The following LCLAT1 variants were observed in gnomAD, a reference collection of about 807,000 sequenced individuals.
LCLAT1 encodes the protein 1-AGP acyltransferase 8.
LCLAT1 carries 11 observed loss-of-function variants against 30.7 expected under a neutral mutation model. That is an observed-to-expected ratio of 0.36 (90% confidence interval 0.23 to 0.59). The LOEUF is 0.59. LCLAT1 is among the 20% of genes least tolerant of loss of function. The pLI, the probability that LCLAT1 is intolerant of heterozygous loss-of-function variation, is 0.77. For missense variants in LCLAT1, 402 were observed against 458.6 expected (o/e 0.88, Z 1.13); for synonymous variants, 155 against 151.3 (o/e 1.02, Z -0.18).
chr2:30,520,896 TGTGTGAAC>T (rs1353175099), intron 1 of LCLAT1, among the ~76,000 whole-genome samples: 6 of 152,192 alleles, frequency 3.9e-5, no homozygotes, highest in Non-Finnish European at 8.8e-5. Context: ...CTGTCAGAGA[TGTGTGAAC>T]TGGAACAAAT....
At chr2:30,586,216 T>A (rs1030230896) in intron 5 of LCLAT1, among the ~76,000 whole-genome samples, 1 of 123,194 alleles carries the variant, frequency 8.1e-6, no homozygotes, top group African/African-American at 3.3e-5. Flanking sequence ...CACTCCAGCC[T>A]GGGTGACAGA....
chr2:30,567,397 T>C (rs533305739), intron 4 of LCLAT1, among the ~76,000 whole-genome samples: 1 of 152,320 alleles, frequency 6.6e-6, no homozygotes, highest in South Asian at 2.1e-4. Context: ...TCTTAGAATA[T>C]AGCCTCGAAG....
intron 5 of LCLAT1, among the ~76,000 whole-genome samples, chr2:30,629,220 A>G (rs1668651516): frequency 2.0e-5 from 3 of 152,176 alleles, no homozygotes; most frequent in African/African-American, 7.2e-5. Flanking sequence ...TTATATTACC[A>G]CAGTGTTTTT....
chr2:30,523,720 C>T (rs1685581386), intron 1 of LCLAT1, among the ~76,000 whole-genome samples: 1 of 152,070 alleles, frequency 6.6e-6, no homozygotes, highest in Non-Finnish European at 1.5e-5. Context: ...ATACAAAAAT[C>T]AGATGAGTGT....
chr2:30,552,358 C>A (rs1273997045), intron 3 of LCLAT1: 3 of 302,552 alleles, frequency 9.9e-6, no homozygotes, highest in Non-Finnish European at 2.0e-5. Flanking sequence ...ATTTGTAGTA[C>A]AAGTGGTTTC....
chr2:30,500,097 A>G (rs1422763917), intron 1 of LCLAT1, among the ~76,000 whole-genome samples: 1 of 152,218 alleles, frequency 6.6e-6, no homozygotes, highest in Non-Finnish European at 1.5e-5. Context: ...TATTAACATT[A>G]GTAACATTTA....
At chr2:30,573,775 T>A (rs947389634) in intron 5 of LCLAT1, among the ~76,000 whole-genome samples, 5 of 152,188 alleles carry the variant, frequency 3.3e-5, no homozygotes, top group African/African-American at 1.2e-4. Context: ...GTTGTTTATC[T>A]TCTTCACTGT....
chr2:30,556,404 A>G (rs1664920455), intron 3 of LCLAT1, among the ~76,000 whole-genome samples: 4 of 152,136 alleles, frequency 2.6e-5, no homozygotes, highest in Admixed American at 2.6e-4. Flanking sequence ...AAGGGAGGGA[A>G]CAAAGGAAAT....
chr2:30,534,253 G>C (rs984313933), intron 3 of LCLAT1, among the ~76,000 whole-genome samples: 1 of 150,974 alleles, frequency 6.6e-6, no homozygotes, highest in Non-Finnish European at 1.5e-5. Flanking sequence ...GTGTGTGTGT[G>C]TGTGTGTGTG....
chr2:30,493,915 G>T (rs72856629), intron 1 of LCLAT1, among the ~76,000 whole-genome samples: 3,607 of 152,222 alleles, frequency 0.024, 131 homozygotes, highest in African/African-American at 0.082. Context: ...CAATTTCAGA[G>T]GCCGAGGTGG....
At chr2:30,533,786 T>A (rs1686096853) in intron 3 of LCLAT1, among the ~76,000 whole-genome samples, 1 of 152,178 alleles carries the variant, frequency 6.6e-6, no homozygotes, top group African/African-American at 2.4e-5. Flanking sequence ...TTTTAAAAAA[T>A]GTTTTTATCG....
rs1166810321 is a variant in LCLAT1, at chr2:30,641,125, A to G, written c.*506A>G. The G allele has an allele frequency of 6.5e-6, 1 of 152,872 alleles. No homozygotes were observed. The highest frequency in any genetic ancestry group is 2.4e-5 in the African/African-American group (1 of 41,402). The allele number at this position is 152,872 out of a possible 1,614,324, so 9.5% of individuals were successfully genotyped here. A position where few individuals can be genotyped will look rare whatever the true frequency, so the allele number is the denominator to read the frequency against. ...AAACCCATCTCATCCTTAAGATCAG[A>G]AAATGGAACCCCCTTTGTCGTGAAA... On this transcript the variant is annotated 3_prime_UTR_variant, in exon 6 of 6. Coordinates refer to ENST00000379509, the MANE Select transcript of LCLAT1 (RefSeq NM_001002257.3).
At chr2:30,476,823 G>A in intron 1 of LCLAT1, among the ~76,000 whole-genome samples, 1 of 152,154 alleles carries the variant, frequency 6.6e-6, no homozygotes, top group East Asian at 1.9e-4. Context: ...TGGCTTACAG[G>A]CTGTCAGCTC....
chr2:30,522,232 G>T (rs982904151), intron 1 of LCLAT1, among the ~76,000 whole-genome samples: 8 of 152,254 alleles, frequency 5.3e-5, no homozygotes, highest in South Asian at 2.1e-4. Flanking sequence ...GGGTTTTATT[G>T]TAAGTGTATA....
chr2:30,532,567 C>A (rs1686033758), intron 2 of LCLAT1, among the ~76,000 whole-genome samples: 1 of 152,104 alleles, frequency 6.6e-6, no homozygotes, highest in African/African-American at 2.4e-5. Flanking sequence ...ATTATTTGAA[C>A]ATTACTATTT....
At chr2:30,615,272 A>C (rs1667941513) in intron 5 of LCLAT1, among the ~76,000 whole-genome samples, 1 of 152,156 alleles carries the variant, frequency 6.6e-6, no homozygotes, top group South Asian at 2.1e-4. Flanking sequence ...CCCTAAATAC[A>C]TGCGTGGACA....
At chr2:30,520,343 T>C (rs909759095) in intron 1 of LCLAT1, among the ~76,000 whole-genome samples, 2 of 152,240 alleles carry the variant, frequency 1.3e-5, no homozygotes, top group Non-Finnish European at 2.9e-5. Context: ...GTATGAGGTA[T>C]TAAAAATTTA....
chr2:30,454,181 T>A (rs1434490190), intron 1 of LCLAT1, among the ~76,000 whole-genome samples: 1 of 152,192 alleles, frequency 6.6e-6, no homozygotes, highest in Non-Finnish European at 1.5e-5. Flanking sequence ...TTAGGGTGAG[T>A]CTGTCTATAA....
In LCLAT1 at chr2:30,525,723, C is replaced by T. The variant is rs375650694; in HGVS notation, c.133C>T (p.Arg45Cys). 332 of 1,613,950 alleles carry T rather than the reference C, an allele frequency of 2.1e-4. No homozygotes were observed. Among genetic ancestry groups the T allele is most frequent in the Non-Finnish European group, 2.6e-4 (301 of 1,180,022 alleles). ...ATCTTGGTATCGCTGGATCAACAACCGCCTTGTGGCAACATGGCTCACCCT... is the reference window on the plus strand; with the variant it reads ...ATCTTGGTATCGCTGGATCAACAACTGCCTTGTGGCAACATGGCTCACCCT... The part of the protein sequence containing the change: ...NPSWYRWINN[R>C]LVATWLTLPV... The change falls in exon 2 of 6, where the codon CGC becomes TGC. Residue 45 changes from arginine to cysteine, a missense_variant. Arg to Cys is a radical substitution (Grantham distance 180). Coordinates refer to ENST00000379509, the MANE Select transcript of LCLAT1 (RefSeq NM_001002257.3).
Sources: gnomAD v4.1 joint callset for allele counts (sites outside exome capture counted in the v4.1 genomes callset) on GRCh38, gnomAD v4.1.1 for gene constraint, MANE v1.5 for transcripts, NCBI Gene and HGNC (gene_info 2026-07-23, HGNC 2026-07-21) for gene names.